The following SLC9B1 variants were observed in gnomAD, a reference collection of about 807,000 sequenced individuals.
SLC9B1 encodes sodium/hydrogen exchanger 9B1.
A neutral mutation model predicts 51.7 loss-of-function variants in SLC9B1; 32 were observed. The observed-to-expected ratio is 0.62, with a 90% CI of 0.47 to 0.83. SLC9B1 has a LOEUF of 0.83. Ranked by LOEUF, SLC9B1 falls within the 40% of genes least tolerant of loss-of-function variation. The pLI is 0.00. For synonymous variants in SLC9B1, 145 were observed against 212.7 expected (o/e 0.68, Z 2.77); for missense variants, 406 against 613.2 (o/e 0.66, Z 3.57).
chr4:102,941,543 G>A (rs35130011), intron 6 of SLC9B1: 1 of 452,016 alleles, frequency 2.2e-6, no homozygotes, highest in African/African-American at 2.0e-5. Context: ...GGAAGGCTGA[G>A]GCATGAGAAT....
chr4:102,931,074 A>C (rs1736426323), intron 7 of SLC9B1, among the ~76,000 whole-genome samples: 1 of 151,862 alleles, frequency 6.6e-6, no homozygotes, highest in African/African-American at 2.4e-5. Context: ...AATATAAAAA[A>C]AATTAGCCGG....
At chr4:102,973,258 G>A (rs1356180130) in intron 3 of SLC9B1, among the ~76,000 whole-genome samples, 1 of 152,042 alleles carries the variant, frequency 6.6e-6, no homozygotes, top group Non-Finnish European at 1.5e-5. Context: ...AAGAGTAAAT[G>A]ATAAATAAAA....
chr4:102,945,504 T>C (rs1737224950), intron 5 of SLC9B1, among the ~76,000 whole-genome samples, 184 bp from the exon 6 acceptor site: 1 of 152,158 alleles, frequency 6.6e-6, no homozygotes, highest in Admixed American at 6.5e-5. Context: ...ATAGGTTGGA[T>C]TATAAACAAT....
In SLC9B1 at chr4:102,906,643, A is replaced by C. The variant is rs1207987704; in HGVS notation, c.1088T>G (p.Met363Arg). ...IAGTKWSQEK[M>R]KVQKIITTVW... is the part of the protein sequence containing the mutation. ...AGTCGTAATAATCTTTTGGACTTTC[A>C]TCTATAGAAAAGAGAAATACATTTA... Residue 363 changes from methionine (M) to arginine (R), a missense_variant and splice_region_variant, in exon 10 of 12, where the codon ATG becomes AGG. This residue lies in a region of SLC9B1 where 250 missense variants were observed against 394.1 expected (regional missense o/e 0.63). Coordinates refer to ENST00000296422, the MANE Select transcript of SLC9B1 (RefSeq NM_139173.4). The C allele has an allele frequency of 6.6e-7, 1 of 1,524,432 alleles. No homozygotes were observed. The highest frequency in any genetic ancestry group is 2.3e-5 in the East Asian group (1 of 44,330). 94.4% of individuals were successfully genotyped at this position (1,524,432 alleles called of 1,614,324 possible).
chr4:102,905,938 T>C (rs1019647267), intron 10 of SLC9B1, among the ~76,000 whole-genome samples: 3 of 152,084 alleles, frequency 2.0e-5, no homozygotes, highest in African/African-American at 7.2e-5. Flanking sequence ...TTATTAATAA[T>C]AATAATTTAT....
chr4:102,938,605 A>G (rs964095142), intron 6 of SLC9B1, among the ~76,000 whole-genome samples: 1 of 152,226 alleles, frequency 6.6e-6, no homozygotes, highest in African/African-American at 2.4e-5. Context: ...ATATTGTAAA[A>G]TTGATCACAC....
chr4:102,958,909 C>T (rs1364252253), intron 3 of SLC9B1, among the ~76,000 whole-genome samples: 23 of 150,446 alleles, frequency 1.5e-4, no homozygotes, highest in African/African-American at 2.9e-4. Context: ...GGTGACAGAA[C>T]GAGACTCCGT....
chr4:102,901,705 A>G (rs184857088), intron 11 of SLC9B1, among the ~76,000 whole-genome samples: 1 of 152,312 alleles, frequency 6.6e-6, no homozygotes, highest in African/African-American at 2.4e-5. Context: ...CTACAACAAG[A>G]CAACATAAAA....
intron 11 of SLC9B1, among the ~76,000 whole-genome samples, chr4:102,905,013 G>T (rs1464781300): frequency 6.6e-6 from 1 of 151,348 alleles, no homozygotes; most frequent in Non-Finnish European, 1.5e-5. Context: ...AAGCAGTTGG[G>T]TGTGGTGGCA....
intron 7 of SLC9B1, among the ~76,000 whole-genome samples, chr4:102,924,366 G>A (rs1199676804): frequency 6.6e-6 from 1 of 152,164 alleles, no homozygotes; most frequent in Admixed American, 6.5e-5. Flanking sequence ...GTAGAAAACT[G>A]AAACTGGATC....
At chr4:102,993,367 A>G (rs1740049500) in intron 1 of SLC9B1, among the ~76,000 whole-genome samples, 2 of 152,194 alleles carry the variant, frequency 1.3e-5, no homozygotes, top group African/African-American at 4.8e-5. Context: ...AGTAAACCTT[A>G]AAGTTCCATA....
chr4:102,960,005 T>A (rs1246376399), intron 3 of SLC9B1, among the ~76,000 whole-genome samples: 1 of 151,538 alleles, frequency 6.6e-6, no homozygotes, highest in Non-Finnish European at 1.5e-5. Flanking sequence ...TTTTTTTTTT[T>A]AAAAGAAAAA....
intron 7 of SLC9B1, among the ~76,000 whole-genome samples, chr4:102,919,663 G>A (rs1735764236): frequency 6.6e-6 from 1 of 152,196 alleles, no homozygotes; most frequent in African/African-American, 2.4e-5. Context: ...GCCAAGGGAA[G>A]CCGTGACAGA....
At chr4:102,966,658 CT>C (rs1244158646) in intron 3 of SLC9B1, among the ~76,000 whole-genome samples, 1 of 152,154 alleles carries the variant, frequency 6.6e-6, no homozygotes, top group East Asian at 1.9e-4. Flanking sequence ...TCCTAGACCT[CT>C]GGAAAGGCAA....
At chr4:102,907,919 T>C (rs993111186) in intron 9 of SLC9B1, among the ~76,000 whole-genome samples, 10 of 152,352 alleles carry the variant, frequency 6.6e-5, no homozygotes, top group African/African-American at 2.4e-4. Context: ...AAAAAAATTC[T>C]AGCAGTTTTA....
chr4:102,981,836 G>A (rs1248318473), intron 3 of SLC9B1, among the ~76,000 whole-genome samples: 1 of 152,070 alleles, frequency 6.6e-6, no homozygotes, highest in Non-Finnish European at 1.5e-5. Flanking sequence ...GTATTCCACA[G>A]AGCATAGATT....
intron 5 of SLC9B1, among the ~76,000 whole-genome samples, chr4:102,946,345 C>G (rs541759434): frequency 4.6e-5 from 7 of 152,156 alleles, no homozygotes; most frequent in Non-Finnish European, 7.3e-5. Flanking sequence ...GAGTCTCGCT[C>G]TGTCCCCCAG....
At chr4:102,980,161 T>G (rs989048309) in intron 3 of SLC9B1, among the ~76,000 whole-genome samples, 1 of 152,200 alleles carries the variant, frequency 6.6e-6, no homozygotes, top group Non-Finnish European at 1.5e-5. Context: ...TTTACATTAG[T>G]TCAACCATTG....
intron 3 of SLC9B1, among the ~76,000 whole-genome samples, chr4:102,954,920 A>C (rs547617192): frequency 6.6e-6 from 1 of 152,330 alleles, no homozygotes; most frequent in Non-Finnish European, 1.5e-5. Flanking sequence ...AACTCCCCCC[A>C]AAAATTGCAA....
Sources: allele counts gnomAD v4.1 joint callset (sites outside exome capture counted in the v4.1 genomes callset), GRCh38; gene constraint gnomAD v4.1.1; regional missense constraint gnomAD v4.1.1; transcripts MANE v1.5; gene names NCBI Gene and HGNC (gene_info 2026-07-23, HGNC 2026-07-21).